DAG1: variants seen among roughly 807,000 people sequenced by gnomAD.
DAG1 encodes dystroglycan 1 (dystrophin-associated glycoprotein 1).
Under a neutral mutation model 46.1 loss-of-function variants are expected in DAG1, and 8 were observed. The observed-to-expected ratio is 0.17, with a 90% CI of 0.10 to 0.31. DAG1 has a LOEUF of 0.31. Among genes scored for constraint, DAG1 ranks in the 10% least tolerant of loss-of-function variants. The pLI is 1.00. For missense variants in DAG1, 1,003 were observed against 1,189.9 expected (o/e 0.84, Z 2.31); for synonymous variants, 495 against 481.8 (o/e 1.03, Z -0.36).
At chr3:49,473,883 CTT>C (rs371637990) in intron 1 of DAG1, among the ~76,000 whole-genome samples, 30 of 142,864 alleles carry the variant, frequency 2.1e-4, no homozygotes, top group African/African-American at 6.7e-4. Flanking sequence ...TGCGCCTGGC[CTT>C]TTTTTTTTTT....
chr3:49,478,273 CAAAAAAAAA>C (rs71278644), intron 1 of DAG1, among the ~76,000 whole-genome samples: 1 of 90,006 alleles, frequency 1.1e-5, no homozygotes, highest in South Asian at 3.4e-4. Context: ...GACTCTGTCT[CAAAAAAAAA>C]AAAAAAAGAA....
intron 1 of DAG1, among the ~76,000 whole-genome samples, chr3:49,480,356 A>G (rs1411779335): frequency 1.3e-5 from 2 of 149,312 alleles, no homozygotes; most frequent in Non-Finnish European, 3.0e-5. Flanking sequence ...GCTCACTGCA[A>G]GTTCCGTCTC....
At chr3:49,483,992 G>A (rs2049951253) in intron 1 of DAG1, among the ~76,000 whole-genome samples, 1 of 152,170 alleles carries the variant, frequency 6.6e-6, no homozygotes, top group Admixed American at 6.6e-5. Flanking sequence ...GAGCAGTGTT[G>A]GAACGATTGA....
chr3:49,510,439 G>A lies in DAG1; in HGVS notation c.-96G>A. The A allele has an allele frequency of 8.4e-7, 1 of 1,194,140 alleles. No individual in the cohort carries two copies. The highest frequency in any genetic ancestry group is 1.2e-5 in the South Asian group (1 of 82,822). The allele number at this position is 1,194,140 out of a possible 1,614,324, so 74.0% of individuals were successfully genotyped here. On this transcript the variant is annotated 5_prime_UTR_variant, in exon 2 of 3. Transcript: ENST00000308775. ...TTCAGGCTCTGTGTGCTCCGGGATG[G>A]AGCAGGTGTGCAGAGGGTGAGAACC...
intron 2 of DAG1, among the ~76,000 whole-genome samples, chr3:49,527,488 G>A (rs1380115494): frequency 6.8e-6 from 1 of 146,876 alleles, no homozygotes; most frequent in Non-Finnish European, 1.5e-5. Flanking sequence ...CGCCACTGCA[G>A]TCCGGCCTGG....
intron 1 of DAG1, among the ~76,000 whole-genome samples, chr3:49,490,720 C>CT (rs2050159076): frequency 1.3e-5 from 2 of 151,768 alleles, no homozygotes; most frequent in African/African-American, 4.8e-5. Context: ...CAGGTGCAGG[C>CT]TACCATGCTG....
chr3:49,481,202 A>G (rs1034818508), intron 1 of DAG1, among the ~76,000 whole-genome samples: 1 of 148,082 alleles, frequency 6.8e-6, no homozygotes, highest in African/African-American at 2.5e-5. Context: ...GTCCTGGCTA[A>G]CATGGTGAAA....
intron 1 of DAG1, among the ~76,000 whole-genome samples, chr3:49,490,887 T>A (rs1469176603): frequency 1.4e-5 from 2 of 145,624 alleles, no homozygotes; most frequent in Admixed American, 1.4e-4. Context: ...ATTCTTTTTT[T>A]TTTTTTTTTT....
chr3:49,495,066 C>T (rs1387116267), intron 1 of DAG1, among the ~76,000 whole-genome samples: 2 of 152,172 alleles, frequency 1.3e-5, no homozygotes, highest in Non-Finnish European at 2.9e-5. Context: ...AAGACCCCTG[C>T]AGTGGACCTC....
intron 2 of DAG1, 89 bp downstream of exon 2, chr3:49,510,908 C>T: frequency 6.4e-7 from 1 of 1,557,484 alleles, no homozygotes; most frequent in Non-Finnish European, 8.7e-7. Flanking sequence ...CTAAGCTTCA[C>T]CAATTCTGAG....
chr3:49,499,979 T>C (rs909703206), intron 1 of DAG1, among the ~76,000 whole-genome samples: 5 of 146,766 alleles, frequency 3.4e-5, no homozygotes, highest in Non-Finnish European at 6.0e-5. Context: ...TTCTTCTTCT[T>C]TTTTTTTTTT....
intron 2 of DAG1, among the ~76,000 whole-genome samples, chr3:49,528,132 T>A (rs974271344): frequency 6.6e-6 from 1 of 152,138 alleles, no homozygotes; most frequent in Non-Finnish European, 1.5e-5. Flanking sequence ...CATGGTGGTT[T>A]TTTGTTTGTT....
In DAG1 at chr3:49,513,588, C is replaced by T. The variant is rs143486853; in HGVS notation, c.285+2769C>T. On this transcript the variant is annotated intron_variant, in intron 2 of 2. Coordinates refer to ENST00000308775, the MANE Select transcript of DAG1 (RefSeq NM_004393.6). ...GTGGACCTCCCCTTCAGCCTGCTCC[C>T]TTCTTGTGTTCGCCTCCTTTTCCCT... Among the ~76,000 whole-genome samples the T allele has an allele frequency of 7.2e-5, 11 of 152,248 alleles. No homozygotes were observed. In the East Asian group the frequency reaches 1.2e-3, roughly 16 times the overall value.
At chr3:49,501,220 G>T (rs1195097595) in intron 1 of DAG1, among the ~76,000 whole-genome samples, 1 of 152,174 alleles carries the variant, frequency 6.6e-6, no homozygotes, top group Admixed American at 6.6e-5. Flanking sequence ...TCCTGGTAGG[G>T]CAGGGTGTGT....
At position 49,510,770 on chromosome 3, in the gene DAG1, G is replaced by A. The variant is rs145099318; in HGVS notation, c.236G>A (p.Arg79Gln). The A allele has an allele frequency of 1.2e-6, 2 of 1,614,150 alleles. No homozygotes were observed. The highest frequency in any genetic ancestry group is 1.7e-6 in the Non-Finnish European group (2 of 1,180,018). The change falls in exon 2 of 3, where the codon CGA (arginine) becomes CAA (glutamine). Residue 79 changes from arginine to glutamine, a missense_variant. By Grantham distance (43) the Arg-to-Gln change is conservative. Around this residue, in one of 3 missense-constraint regions of DAG1, gnomAD observed 196 missense variants for 239.1 expected, o/e 0.82. Coordinates refer to ENST00000308775, the MANE Select transcript of DAG1 (RefSeq NM_004393.6). ...ACGGCTGTCGTCGGGCGCTCATTTCGAGTGACCATTCCAACAGATTTGATT... is the reference window on the plus strand; with the variant it reads ...ACGGCTGTCGTCGGGCGCTCATTTCAAGTGACCATTCCAACAGATTTGATT... ...DGTAVVGRSFRVTIPTDLIAS... is the reference protein window; with the variant it reads ...DGTAVVGRSFQVTIPTDLIAS...
At chr3:49,474,903 C>A (rs2049634572) in intron 1 of DAG1, among the ~76,000 whole-genome samples, 1 of 151,754 alleles carries the variant, frequency 6.6e-6, no homozygotes, top group African/African-American at 2.4e-5. Flanking sequence ...GCTCCGCCTC[C>A]CAGGTTCATG....
At chr3:49,495,228 A>T (rs963353062) in intron 1 of DAG1, among the ~76,000 whole-genome samples, 10 of 152,186 alleles carry the variant, frequency 6.6e-5, no homozygotes, top group African/African-American at 2.4e-4. Context: ...GGGAAGTCAG[A>T]AGGCAACTTT....
intron 2 of DAG1, among the ~76,000 whole-genome samples, chr3:49,523,775 T>C (rs148834251): frequency 0.025 from 3,737 of 152,254 alleles, 94 homozygotes; most frequent in South Asian, 0.046. Flanking sequence ...GGAACCATTA[T>C]TGGCAGAGTC....
At chr3:49,488,181 C>T (rs898040475) in intron 1 of DAG1, among the ~76,000 whole-genome samples, 5 of 152,094 alleles carry the variant, frequency 3.3e-5, no homozygotes, top group Non-Finnish European at 5.9e-5. Context: ...CCCACCATGC[C>T]CATTAATCAA....
Sources: gnomAD v4.1 joint callset for allele counts (sites outside exome capture counted in the v4.1 genomes callset) on GRCh38, gnomAD v4.1.1 for gene constraint, gnomAD v4.1.1 regional missense constraint, MANE v1.5 for transcripts, NCBI Gene and HGNC (gene_info 2026-07-23, HGNC 2026-07-21) for gene names.